The following RIC1 variants were observed in gnomAD, a reference collection of about 807,000 sequenced individuals.
RIC1 encodes the protein RIC1 partner of RAB6A GEF complex, also known as guanine nucleotide exchange factor subunit RIC1.
Under a neutral mutation model 169.0 loss-of-function variants are expected in RIC1, and 88 were observed. The observed-to-expected ratio is 0.52, with a 90% confidence interval of 0.44 to 0.62. RIC1 has a LOEUF of 0.62. RIC1 is among the 20% of genes least tolerant of loss of function. RIC1 has a pLI of 0.00. For missense variants in RIC1, 1,877 were observed against 1,725.5 expected, an observed-to-expected ratio of 1.09 and a Z score of -1.56; for synonymous variants, 790 against 601.5, an observed-to-expected ratio of 1.31 and a Z score of -4.59.
intron 2 of RIC1, among the ~76,000 whole-genome samples, chr9:5,666,263 A>G (rs1819751711): frequency 1.3e-5 from 2 of 152,106 alleles, no homozygotes; most frequent in Admixed American, 6.6e-5. Context: ...CTGTATGGAT[A>G]TATGTGATTT....
chr9:5,637,647 TC>T (rs1224400306), intron 1 of RIC1, among the ~76,000 whole-genome samples: 1 of 152,210 alleles, frequency 6.6e-6, no homozygotes, highest in African/African-American at 2.4e-5. Flanking sequence ...ATCTTTCCAC[TC>T]TTTATCACCA....
At chr9:5,710,003 A>C (rs1822840559) in intron 3 of RIC1, among the ~76,000 whole-genome samples, 1 of 152,180 alleles carries the variant, frequency 6.6e-6, no homozygotes, top group Admixed American at 6.5e-5. Context: ...TCACCAACAG[A>C]AAAAAAGCTG....
chr9:5,772,798 T>C lies in RIC1; in HGVS notation c.3794+57T>C, dbSNP rs1422319141. ...TGCCTACTCAGAGTATTTGGGCAAA[T>C]AGGTATGGGGCTACTCTCCTAATAA... On this transcript the variant is annotated intron_variant, in intron 24 of 25. Transcript: ENST00000414202. 5.8e-6 allele frequency: 9 copies of C among 1,556,384 alleles called. No individual in the cohort carries two copies. The East Asian group carries it at 2.0e-4, about 35-fold the overall frequency.
chr9:5,767,397 C>T (rs1826848781), intron 21 of RIC1, among the ~76,000 whole-genome samples: 1 of 151,894 alleles, frequency 6.6e-6, no homozygotes, highest in South Asian at 2.1e-4. Flanking sequence ...TTTGTGAGGC[C>T]TGTGTATTCC....
chr9:5,688,002 A>T (rs143115651), intron 2 of RIC1, among the ~76,000 whole-genome samples: 6 of 152,144 alleles, frequency 3.9e-5, no homozygotes, highest in Non-Finnish European at 8.8e-5. Context: ...TCATCCAGCC[A>T]ATGTCTTTTT....
chr9:5,700,564 A>G (rs768068075), intron 3 of RIC1, among the ~76,000 whole-genome samples: 9 of 151,638 alleles, frequency 5.9e-5, no homozygotes, highest in Non-Finnish European at 1.0e-4. Flanking sequence ...TCTCTTACGT[A>G]TATTAATGTA....
chr9:5,710,778 G>C, intron 3 of RIC1, among the ~76,000 whole-genome samples: 1 of 152,092 alleles, frequency 6.6e-6, no homozygotes, highest in East Asian at 1.9e-4. Flanking sequence ...GAAAACGGGG[G>C]GAGTGGATGA....
intron 2 of RIC1, among the ~76,000 whole-genome samples, chr9:5,660,353 T>A (rs765362048): frequency 6.6e-6 from 1 of 152,134 alleles, no homozygotes; most frequent in East Asian, 1.9e-4. Flanking sequence ...TGATTTATAT[T>A]TTGGGGGGTA....
rs142381036 is a variant in RIC1, at chr9:5,760,543, T to A, written c.1993-1998T>A. Among the ~76,000 whole-genome samples the A allele has an allele frequency of 6.6e-5, 10 of 152,298 alleles. No individual in the cohort carries two copies. The East Asian group carries it at 1.9e-3, about 29-fold the overall frequency. ...TGCCTTTAAGGTCTTTTGAAGTGTT[T>A]TAGTGTATGCAGTTCCCAGTCATGC... On this transcript the variant is annotated intron_variant, in intron 17 of 25. Coordinates refer to ENST00000414202, the MANE Select transcript of RIC1 (RefSeq NM_020829.4).
intron 12 of RIC1, among the ~76,000 whole-genome samples, chr9:5,747,966 A>T (rs1009313435): frequency 6.6e-6 from 1 of 152,210 alleles, no homozygotes; most frequent in Non-Finnish European, 1.5e-5. Flanking sequence ...ACTTGTGATC[A>T]GTAGAGAGCT....
rs149395149 is a variant in RIC1, at chr9:5,716,807, T to G, written c.440+2804T>G. 1.1e-4 allele frequency among the ~76,000 whole-genome samples: 16 copies of G among 152,288 alleles called. No homozygotes were observed. The East Asian group carries it at 1.9e-3, about 18-fold the overall frequency. On this transcript the variant is annotated intron_variant, in intron 4 of 25. Transcript: ENST00000414202. ...CTATTTACCAACATTTATAGAATTA[T>G]TAGTATTTTAACAACTGACACCAGC...
intron 2 of RIC1, among the ~76,000 whole-genome samples, chr9:5,682,578 G>C (rs1563895877): frequency 6.6e-6 from 1 of 152,042 alleles, no homozygotes; most frequent in African/African-American, 2.4e-5. Flanking sequence ...CTTTCTCTGT[G>C]GCTGCCCTTA....
At chr9:5,705,240 T>G (rs1308419049) in intron 3 of RIC1, among the ~76,000 whole-genome samples, 1 of 148,832 alleles carries the variant, frequency 6.7e-6, no homozygotes, top group African/African-American at 2.5e-5. Context: ...TTGGTAGAAA[T>G]TGCATTTAAT....
At chr9:5,740,657 G>A (rs1013120991) in intron 8 of RIC1, among the ~76,000 whole-genome samples, 13 of 150,582 alleles carry the variant, frequency 8.6e-5, no homozygotes, top group Middle Eastern at 3.4e-3. Flanking sequence ...GGCTAGGCCC[G>A]TCTCTATTTT....
At chr9:5,778,177 C>CTAAG (rs1361546094), downstream of RIC1, among the ~76,000 whole-genome samples, 4 of 152,178 alleles carry the variant, frequency 2.6e-5, no homozygotes, top group African/African-American at 9.6e-5. Flanking sequence ...AGATTTATTT[C>CTAAG]TAAGTATTGC....
intron 1 of RIC1, among the ~76,000 whole-genome samples, chr9:5,654,396 G>C (rs1818968629): frequency 6.6e-6 from 1 of 152,082 alleles, no homozygotes; most frequent in African/African-American, 2.4e-5. Context: ...ACAGGTGACT[G>C]CCACCATGTC....
chr9:5,693,255 C>T (rs1353958730), intron 3 of RIC1, among the ~76,000 whole-genome samples: 1 of 152,134 alleles, frequency 6.6e-6, no homozygotes, highest in East Asian at 1.9e-4. Context: ...AAGTTCATCA[C>T]AGGAGTTTTT....
chr9:5,761,312 C>A (rs1395110417), intron 17 of RIC1, among the ~76,000 whole-genome samples: 1 of 151,728 alleles, frequency 6.6e-6, no homozygotes, highest in Non-Finnish European at 1.5e-5. Context: ...CGGGGTTTCA[C>A]CATTTTGGCC....
At chr9:5,730,991 T>G (rs1824340226) in intron 6 of RIC1, among the ~76,000 whole-genome samples, 1 of 152,192 alleles carries the variant, frequency 6.6e-6, no homozygotes, top group South Asian at 2.1e-4. Context: ...CTTTTACACT[T>G]GTTTTATTTC....
Sources: allele counts gnomAD v4.1 joint callset (sites outside exome capture counted in the v4.1 genomes callset), GRCh38; gene constraint gnomAD v4.1.1; transcripts MANE v1.5; gene names NCBI Gene and HGNC (gene_info 2026-07-23, HGNC 2026-07-21).